VILL: variants seen among roughly 807,000 people sequenced by gnomAD.
The protein encoded by VILL is villin-like protein.
In VILL, 102 loss-of-function variants were observed where a neutral mutation model predicts 106.3. The ratio of observed to expected loss-of-function variants is 0.96; its 90% CI spans 0.82 to 1.13. The LOEUF (loss-of-function observed/expected upper bound fraction) is 1.13. VILL is among the 50% of genes most tolerant of loss of function. The probability of loss-of-function intolerance (pLI) is 0.00; values close to 1 mark genes in which losing one functional copy is unlikely to be tolerated. For synonymous variants in VILL, 431 were observed against 440.3 expected (o/e 0.98, Z 0.27); for missense variants, 1,076 against 1,116.6 (o/e 0.96, Z 0.52).
chr3:38,002,656 C>A, intron 14 of VILL, 81 bp downstream of exon 14: 1 of 1,476,338 alleles, frequency 6.8e-7, no homozygotes, highest in Non-Finnish European at 9.2e-7. Flanking sequence ...ACAGGGCATG[C>A]AGACTTTGAG....
rs754031263 is a variant in VILL, at chr3:37,999,014, G to C, written c.1045G>C (p.Glu349Gln). The part of the protein sequence containing the change: ...AFKQLFRTWS[E>Q]KRRRNQKLGG... ...CAAGCAGCTCTTCCGGACTTGGTCTGAGAAGCGGCGCAGGAACCAGAAGCT... is the reference window on the plus strand; with the variant it reads ...CAAGCAGCTCTTCCGGACTTGGTCTCAGAAGCGGCGCAGGAACCAGAAGCT... Residue 349 changes from glutamate (E) to glutamine (Q), a missense_variant, in exon 10 of 20, where the codon GAG (glutamate) becomes CAG (glutamine). Coordinates refer to ENST00000383759, the MANE Select transcript of VILL (RefSeq NM_015873.4). The C allele has an allele frequency of 1.3e-6, 2 of 1,596,606 alleles. No homozygotes were observed. Among genetic ancestry groups the C allele is most frequent in the Non-Finnish European group, 1.7e-6 (2 of 1,170,384 alleles).
At position 38,005,863 on chromosome 3, in the gene VILL, G is replaced by A; in HGVS notation, c.2022G>A (p.Lys674=). The change falls in exon 17 of 20, where the codon AAG becomes AAA. Residue 674 remains lysine (K), a synonymous_variant. Transcript: ENST00000383759. ...EAVAWGQEYL[K]THPAGRSPAT... ...TGGCCTGGGGCCAGGAGTACCTGAA[G>A]ACTCACCCAGCAGGGAGGAGCCCGG... 1.2e-6 allele frequency: 2 copies of A among 1,614,126 alleles called. No homozygotes were observed. Among genetic ancestry groups the A allele is most frequent in the Non-Finnish European group, 1.7e-6 (2 of 1,180,012 alleles).
intron 1 of VILL, 75 bp from the exon 2 acceptor site, chr3:37,993,510 TGA>T (rs1379614493): frequency 2.5e-5 from 16 of 643,340 alleles, no homozygotes; most frequent in Non-Finnish European, 4.3e-5. Context: ...CTGCAGAATC[TGA>T]GTCTTCATAG....
chr3:38,003,736 A>G, intron 15 of VILL: 1 of 210,450 alleles, frequency 4.8e-6, no homozygotes, highest in Non-Finnish European at 9.7e-6. Context: ...GTGTAAGTGG[A>G]CAGGGTGTGT....
intron 15 of VILL, 115 bp from the exon 16 acceptor site, chr3:38,004,140 G>T (rs895762476): frequency 1.9e-5 from 27 of 1,421,354 alleles, no homozygotes; most frequent in Admixed American, 9.0e-5. Flanking sequence ...TCAGAGGAGG[G>T]CCCAGGGCTC....
chr3:37,996,833 TAAAC>T (rs1699710059), intron 5 of VILL, among the ~76,000 whole-genome samples: 1 of 152,140 alleles, frequency 6.6e-6, no homozygotes. Context: ...ACACAAAAGA[TAAAC>T]AGATACACCC....
chr3:38,004,209 G>C, intron 15 of VILL, 46 bp from the exon 16 acceptor site: 2 of 1,576,692 alleles, frequency 1.3e-6, no homozygotes, highest in Non-Finnish European at 1.7e-6. Flanking sequence ...CATGGGCTGG[G>C]GTGCCCCTCT....
Position 38,004,323 on chromosome 3 carries a change from T to C in VILL, c.1874T>C (p.Val625Ala). Reference protein sequence around the residue: ...FECSSHMGCLVLAEVGFFSQE... With the variant: ...FECSSHMGCLALAEVGFFSQE... Reference sequence around the variant, plus strand: ...TGCTCCAGCCACATGGGCTGCCTGGTCCTCGCAGAAGTGGGGTTCTTCAGC... The same window carrying C: ...TGCTCCAGCCACATGGGCTGCCTGGCCCTCGCAGAAGTGGGGTTCTTCAGC... Residue 625 changes from valine (V) to alanine (A), a missense_variant, in exon 16 of 20, where the codon GTC (valine) becomes GCC (alanine). Coordinates refer to ENST00000383759, the MANE Select transcript of VILL (RefSeq NM_015873.4). 1.2e-6 allele frequency: 2 copies of C among 1,613,890 alleles called. No individual in the cohort carries two copies. Among genetic ancestry groups the C allele is most frequent in the Non-Finnish European group, 1.7e-6 (2 of 1,179,776 alleles).
intron 1 of VILL, among the ~76,000 whole-genome samples, chr3:37,991,716 A>T (rs752018767): frequency 6.6e-6 from 1 of 151,714 alleles, no homozygotes; most frequent in Non-Finnish European, 1.5e-5. Context: ...CAGGGATAGG[A>T]GGGTTCCCAC....
chr3:38,003,953 C>G (rs62240054), intron 15 of VILL: 3 of 304,314 alleles, frequency 9.9e-6, no homozygotes, highest in Non-Finnish European at 1.9e-5. Context: ...GGAGCTCCTC[C>G]CATCCCAGGG....
chr3:38,001,117 G>T (rs1699805812), intron 11 of VILL: 2 of 521,132 alleles, frequency 3.8e-6, no homozygotes, highest in South Asian at 1.7e-5. Context: ...GGCTTCTGTT[G>T]CCCTGGCCTG....
rs1438509698 is a variant in VILL at position 37,998,176 on chromosome 3, A to G, written c.843+8A>G. ...GACCTGCTGCAGGAGGAGGTGAGGA[A>G]GGCCTGGCCCCAGCTACTTGCATCC... On this transcript the variant is annotated splice_region_variant and intron_variant, in intron 8 of 19. Transcript: ENST00000383759. This position sits in a 1 kb window ranked among gnomAD's most constrained non-coding sequence, Gnocchi z 4.1. 6.2e-7 allele frequency: 1 copy of G among 1,613,966 alleles called. No homozygotes were observed.
rs745402191 is a variant in VILL at position 37,997,102 on chromosome 3, A to G, written c.476A>G (p.Asn159Ser). 14 of 1,613,960 alleles carry G rather than the reference A, an allele frequency of 8.7e-6. No individual in the cohort carries two copies. Among genetic ancestry groups the G allele is most frequent in the Non-Finnish European group, 1.2e-5 (14 of 1,180,002 alleles). Residue 159 changes from asparagine (N) to serine (S), a missense_variant, in exon 6 of 20, where the codon AAT (asparagine) becomes AGT (serine). Coordinates refer to ENST00000383759, the MANE Select transcript of VILL (RefSeq NM_015873.4). The surrounding 1 kb of genome is among the most constrained non-coding windows in gnomAD (Gnocchi z 4.7). ...GTGGAGCTCTCCTGGAACAGCTTTAATAAGGGTGACATCTTCCTGCTGGAC... is the reference window on the plus strand; with the variant it reads ...GTGGAGCTCTCCTGGAACAGCTTTAGTAAGGGTGACATCTTCCTGCTGGAC... The part of the protein sequence containing the change: ...TEVELSWNSF[N>S]KGDIFLLDLG...
intron 5 of VILL, 150 bp from the exon 6 acceptor site, chr3:37,996,927 C>A: frequency 1.5e-6 from 1 of 660,332 alleles, no homozygotes; most frequent in Admixed American, 2.3e-5. Context: ...TCATGTACAC[C>A]CTGTGGAATG....
At chr3:38,000,771 G>T (rs148735269) in intron 11 of VILL, 1 of 413,830 alleles carries the variant, frequency 2.4e-6, no homozygotes, top group Non-Finnish European at 4.9e-6. Context: ...CTGGAGGTCG[G>T]CTCCCCAGGG....
rs749945928 is a variant in VILL at position 37,994,414 on chromosome 3, G to A, written c.289G>A (p.Ala97Thr). 13 of 1,612,618 alleles carry A rather than the reference G, an allele frequency of 8.1e-6. No homozygotes were observed. Among genetic ancestry groups the A allele is most frequent in the Non-Finnish European group, 1.1e-5 (13 of 1,179,880 alleles). Reference protein sequence around the residue: ...LGGQTVLHREAQGHESDCFCS... With the variant: ...LGGQTVLHRETQGHESDCFCS... Reference sequence around the variant, plus strand: ...GGGCCAGACCGTGCTGCACCGCGAGGCGCAGGGCCACGAGTCCGACTGCTT... The same window carrying A: ...GGGCCAGACCGTGCTGCACCGCGAGACGCAGGGCCACGAGTCCGACTGCTT... The change falls in exon 4 of 20, where the codon GCG (alanine) becomes ACG (threonine). Residue 97 changes from alanine (A) to threonine (T), a missense_variant. Coordinates refer to ENST00000383759, the MANE Select transcript of VILL (RefSeq NM_015873.4).
At chr3:37,989,705 A>T (rs1283153595), upstream of VILL, among the ~76,000 whole-genome samples, 6 of 152,174 alleles carry the variant, frequency 3.9e-5, no homozygotes, top group African/African-American at 1.2e-4. Flanking sequence ...TACAGTGGAC[A>T]CACTGCCACT....
chr3:37,989,712 C>T (rs1206769301), upstream of VILL, among the ~76,000 whole-genome samples: 1 of 152,124 alleles, frequency 6.6e-6, no homozygotes, highest in Non-Finnish European at 1.5e-5. Flanking sequence ...GACACACTGC[C>T]ACTGTCACAG....
In VILL at chr3:37,997,509, G is replaced by A. The variant is rs761878476; in HGVS notation, c.588G>A (p.Arg196=). ...ARGLALTYSL[R]DRERGGGRAQ... ...GGCTGGCTTTGACCTACAGCCTCCG[G>A]GACAGGGAACGTGGTGGTGGTCGTG... is the stretch of plus-strand genomic sequence containing the variant. Residue 196 remains arginine, a synonymous_variant, in exon 7 of 20, where the codon CGG becomes CGA. Transcript: ENST00000383759. This position sits in a 1 kb window ranked among gnomAD's most constrained non-coding sequence, Gnocchi z 4.7. 2.5e-6 allele frequency: 4 copies of A among 1,613,892 alleles called. No homozygotes were observed. The highest frequency in any genetic ancestry group is 3.4e-6 in the Non-Finnish European group (4 of 1,180,028).
Sources: gnomAD v4.1 joint callset for allele counts (sites outside exome capture counted in the v4.1 genomes callset) on GRCh38, gnomAD v4.1.1 for gene constraint, Gnocchi (gnomAD v3.1) non-coding constraint, MANE v1.5 for transcripts, NCBI Gene and HGNC (gene_info 2026-07-23, HGNC 2026-07-21) for gene names.